The following TEX29 variants were observed in gnomAD, a reference collection of about 807,000 sequenced individuals.
TEX29 encodes testis expressed 29.
TEX29 carries 26 observed loss-of-function variants against 18.2 expected under a neutral mutation model. That is an observed-to-expected ratio of 1.43 (90% confidence interval 1.04 to 1.98). The LOEUF is 1.98. Ranked by LOEUF, TEX29 falls within the 30% of genes most tolerant of loss-of-function variation. The pLI is 0.00. For synonymous variants in TEX29, 83 were observed against 78.5 expected (o/e 1.06, Z -0.31); for missense variants, 177 against 194.2 (o/e 0.91, Z 0.53).
rs192619771 is a variant in TEX29, at chr13:111,327,924, G to A, written c.59-259G>A. 5.6e-4 allele frequency among the ~76,000 whole-genome samples: 86 copies of A among 152,342 alleles called. No individual in the cohort carries two copies. In the East Asian group the frequency reaches 8.9e-3, roughly 16 times the overall value. On this transcript the variant is annotated intron_variant, in intron 2 of 5. Coordinates refer to ENST00000283547, the MANE Select transcript of TEX29 (RefSeq NM_152324.3). ...CGTGCGCCGTGCCTGGCGCTGCTGCGCGGAAATGTATTATCTCCTAATCGT... is the reference window on the plus strand; with the variant it reads ...CGTGCGCCGTGCCTGGCGCTGCTGCACGGAAATGTATTATCTCCTAATCGT...
intron 3 of TEX29, among the ~76,000 whole-genome samples, chr13:111,335,225 A>T (rs1330708409): frequency 6.6e-6 from 1 of 152,244 alleles, no homozygotes; most frequent in South Asian, 2.1e-4. Context: ...CCGGTTGTAC[A>T]TAATCAGTTA....
At chr13:111,339,549 G>C (rs1006770971) in intron 3 of TEX29, 3 of 482,254 alleles carry the variant, frequency 6.2e-6, no homozygotes, top group Non-Finnish European at 1.1e-5. Flanking sequence ...ATGCACTCCC[G>C]GGGGTCAGGA....
intron 2 of TEX29, among the ~76,000 whole-genome samples, chr13:111,324,525 G>T (rs1214326029): frequency 2.6e-5 from 4 of 152,216 alleles, no homozygotes; most frequent in Admixed American, 2.6e-4. Flanking sequence ...GACTTGGATG[G>T]GGAGTCACAC....
At chr13:111,339,439 G>C (rs2093693995) in intron 3 of TEX29, 1 of 435,790 alleles carries the variant, frequency 2.3e-6, no homozygotes, top group Admixed American at 2.6e-5. Context: ...ACTCCCGAGG[G>C]TCAGGAGCCA....
At chr13:111,332,233 A>G (rs2093683790) in intron 3 of TEX29, among the ~76,000 whole-genome samples, 1 of 152,100 alleles carries the variant, frequency 6.6e-6, no homozygotes, top group South Asian at 2.1e-4. Flanking sequence ...AATATTTTAT[A>G]GTTTTCAGTG....
chr13:111,328,236 T>A lies in TEX29; in HGVS notation c.112T>A (p.Cys38Ser), dbSNP rs1297164964. 9.9e-6 allele frequency: 16 copies of A among 1,613,978 alleles called. No individual in the cohort carries two copies. The highest frequency in any genetic ancestry group is 1.3e-5 in the Non-Finnish European group (15 of 1,180,012). Residue 38 changes from cysteine to serine, a missense_variant, in exon 3 of 6, where the codon TGC becomes AGC. By Grantham distance (112) the Cys-to-Ser change is moderately radical. Transcript: ENST00000283547. ...ICDYNVSRDRCQELGCCFYEG... is the reference protein window; with the variant it reads ...ICDYNVSRDRSQELGCCFYEG... Reference sequence around the variant, plus strand: ...TGACTACAACGTCTCCAGGGACCGATGCCAGGAGCTCGGGTGCTGCTTCTA... The same window carrying A: ...TGACTACAACGTCTCCAGGGACCGAAGCCAGGAGCTCGGGTGCTGCTTCTA...
intron 3 of TEX29, among the ~76,000 whole-genome samples, chr13:111,329,838 A>T (rs2093680055): frequency 6.6e-6 from 1 of 152,014 alleles, no homozygotes; most frequent in South Asian, 2.1e-4. Context: ...CATCATCTTG[A>T]TGGCTGGTTG....
rs543261759 is a variant in TEX29, at chr13:111,323,289, T to G, written c.58+2341T>G. Among the ~76,000 whole-genome samples, 778 of 152,230 alleles carry G rather than the reference T, an allele frequency of 5.1e-3. 5 individuals are homozygous for G. Among genetic ancestry groups the G allele is most frequent in the Middle Eastern group, 0.02 (6 of 294 alleles). On this transcript the variant is annotated intron_variant, in intron 2 of 5. Coordinates refer to ENST00000283547, the MANE Select transcript of TEX29 (RefSeq NM_152324.3). The stretch of plus-strand genomic sequence containing the variant: ...TGTTCACATGGCCCTGGATGGCGGG[T>G]GACCTGGGGGTGAAAGAGCGGAAAT...
chr13:111,326,933 C>T (rs546252949), intron 2 of TEX29, among the ~76,000 whole-genome samples: 1 of 152,286 alleles, frequency 6.6e-6, no homozygotes, highest in African/African-American at 2.4e-5. Context: ...ACTGTAGACA[C>T]ATGGGCTGCT....
rs79997814 is a variant in TEX29, at chr13:111,321,973, G to C, written c.58+1025G>C. On this transcript the variant is annotated intron_variant, in intron 2 of 5. Transcript: ENST00000283547. ...GAAGAAAAAGAAAACAAATTAGATT[G>C]TTTTGGGTTGTTACCTTTGTTGGGA... 9.2e-3 allele frequency among the ~76,000 whole-genome samples: 1,397 copies of C among 152,334 alleles called. 22 individuals carry two copies. The highest frequency in any genetic ancestry group is 0.054 in the South Asian group (261 of 4,828).
chr13:111,325,640 C>G (rs59266481), intron 2 of TEX29, among the ~76,000 whole-genome samples: 1 of 151,902 alleles, frequency 6.6e-6, no homozygotes, highest in Non-Finnish European at 1.5e-5. Context: ...TCAGGGTCTA[C>G]TGGATTTTTA....
chr13:111,322,886 G>C (rs2093667034), intron 2 of TEX29, among the ~76,000 whole-genome samples: 1 of 152,176 alleles, frequency 6.6e-6, no homozygotes, highest in African/African-American at 2.4e-5. Context: ...CACCACCGGT[G>C]GCCTCAGCGG....
intron 3 of TEX29, among the ~76,000 whole-genome samples, chr13:111,338,653 A>G (rs1160714354): frequency 6.6e-6 from 1 of 152,152 alleles, no homozygotes; most frequent in East Asian, 1.9e-4. Context: ...TGCACTTGAT[A>G]TTTGCAAGTC....
chr13:111,328,341 T>A, intron 3 of TEX29, 48 bp downstream of exon 3: 1 of 1,362,788 alleles, frequency 7.3e-7, no homozygotes, highest in Non-Finnish European at 1.0e-6. Flanking sequence ...AGGTAGCTGG[T>A]GACCATGCCG....
chr13:111,319,313 C>T (rs1014842752), upstream of TEX29, among the ~76,000 whole-genome samples: 3 of 152,154 alleles, frequency 2.0e-5, no homozygotes, highest in Non-Finnish European at 4.4e-5. Flanking sequence ...AATGTTGGCC[C>T]AACCCAGTGC....
chr13:111,333,893 C>T (rs563497168), intron 3 of TEX29, among the ~76,000 whole-genome samples: 6 of 152,326 alleles, frequency 3.9e-5, no homozygotes, highest in East Asian at 1.9e-4. Context: ...CCAGGTCCCT[C>T]GCTTGACATG....
chr13:111,334,177 T>A (rs2093686465), intron 3 of TEX29, among the ~76,000 whole-genome samples: 2 of 152,220 alleles, frequency 1.3e-5, no homozygotes, highest in Non-Finnish European at 2.9e-5. Flanking sequence ...AAATTGGACA[T>A]TTTAGGTAAG....
chr13:111,322,108 A>G (rs1488778464), intron 2 of TEX29, among the ~76,000 whole-genome samples: 1 of 152,214 alleles, frequency 6.6e-6, no homozygotes, highest in Admixed American at 6.5e-5. Context: ...AGGGCGGCCC[A>G]GGTGCCAGGA....
chr13:111,342,977 G>C (rs747621218), intron 5 of TEX29, 46 bp downstream of exon 5: 13 of 1,595,950 alleles, frequency 8.1e-6, no homozygotes. Flanking sequence ...CAAGGGCGTG[G>C]CTCTGTTCCC....
Sources: gnomAD v4.1 joint callset for allele counts (sites outside exome capture counted in the v4.1 genomes callset) on GRCh38, gnomAD v4.1.1 for gene constraint, MANE v1.5 for transcripts, NCBI Gene and HGNC (gene_info 2026-07-23, HGNC 2026-07-21) for gene names.